The following OXR1 variants were observed in gnomAD, a reference collection of about 807,000 sequenced individuals.
OXR1 encodes oxidation resistance protein 1.
In OXR1, 41 loss-of-function variants were observed where a neutral mutation model predicts 104.6. The observed-to-expected ratio is 0.39, with a 90% CI of 0.31 to 0.51. The LOEUF (loss-of-function observed/expected upper bound fraction) is 0.51. Among genes scored for constraint, OXR1 ranks in the 20% least tolerant of loss-of-function variants. OXR1 has a pLI of 0.77. For synonymous variants in OXR1, 348 were observed against 348.4 expected (o/e 1.00, Z 0.01); for missense variants, 955 against 1,031.9 (o/e 0.93, Z 1.02).
chr8:106,336,441 G>A (rs1481636803), intron 1 of OXR1, among the ~76,000 whole-genome samples: 1 of 152,204 alleles, frequency 6.6e-6, no homozygotes, highest in African/African-American at 2.4e-5. Context: ...TATTGAAGCA[G>A]TAGATCTGAC....
chr8:106,541,131 G>A (rs1233355161), intron 3 of OXR1, among the ~76,000 whole-genome samples: 2 of 152,024 alleles, frequency 1.3e-5, no homozygotes, highest in South Asian at 2.1e-4. Flanking sequence ...TCAGGACAGT[G>A]GACTATGTGC....
intron 2 of OXR1, among the ~76,000 whole-genome samples, chr8:106,428,536 G>C (rs1235663458): frequency 6.6e-6 from 1 of 152,034 alleles, no homozygotes; most frequent in Non-Finnish European, 1.5e-5. Context: ...TTTTACCATA[G>C]CAGACATTTG....
At chr8:106,615,216 G>A (rs1447396807) in intron 3 of OXR1, among the ~76,000 whole-genome samples, 1 of 152,014 alleles carries the variant, frequency 6.6e-6, no homozygotes, top group Non-Finnish European at 1.5e-5. Context: ...GATCACTTGA[G>A]GTCAGGACTT....
intron 1 of OXR1, among the ~76,000 whole-genome samples, chr8:106,316,931 C>T (rs997284511): frequency 3.3e-5 from 5 of 152,110 alleles, no homozygotes; most frequent in South Asian, 2.1e-4. Context: ...AGTGCAGTGA[C>T]GCAATCTCGG....
Position 106,498,880 on chromosome 8 carries a change from T to C in OXR1, c.24-20063T>C, listed in dbSNP as rs1241090706. ...CCTTTTTAGCTAAAGAATTAGGAGA[T>C]GGCCGGGCGCGGTGGCTCACGCCTG... On this transcript the variant is annotated intron_variant, in intron 2 of 16. Transcript: ENST00000517566. Among the ~76,000 whole-genome samples the C allele has an allele frequency of 2.5e-5, 2 of 78,454 alleles. 1 individual carries two copies. The highest frequency in any genetic ancestry group is 4.4e-4 in the East Asian group (2 of 4,522). The allele number at this position is 78,454 out of a possible 152,430, so 51.5% of individuals were successfully genotyped here.
At chr8:106,456,763 A>G (rs529786707) in intron 2 of OXR1, among the ~76,000 whole-genome samples, 7 of 152,304 alleles carry the variant, frequency 4.6e-5, no homozygotes, top group Admixed American at 2.6e-4. Context: ...TGAACTGGTC[A>G]TGAAATGAAA....
chr8:106,672,514 G>T (rs1827134462), intron 3 of OXR1, among the ~76,000 whole-genome samples: 1 of 86,962 alleles, frequency 1.1e-5, no homozygotes, highest in Non-Finnish European at 2.7e-5. Flanking sequence ...GAGAAAGAAA[G>T]AAAGAGAGAG....
At chr8:106,312,146 A>C (rs1308751530) in intron 1 of OXR1, among the ~76,000 whole-genome samples, 1 of 152,182 alleles carries the variant, frequency 6.6e-6, no homozygotes, top group Non-Finnish European at 1.5e-5. Flanking sequence ...AAATAAACTA[A>C]AGCGATTTGA....
chr8:106,686,207 C>T (rs191455091), intron 6 of OXR1, among the ~76,000 whole-genome samples: 1 of 151,326 alleles, frequency 6.6e-6, no homozygotes, highest in African/African-American at 2.4e-5. Flanking sequence ...GCACCAAAAT[C>T]TCAGAAATCA....
At chr8:106,685,417 G>T (rs186186699) in intron 6 of OXR1, among the ~76,000 whole-genome samples, 2 of 152,044 alleles carry the variant, frequency 1.3e-5, no homozygotes, top group Non-Finnish European at 2.9e-5. Flanking sequence ...CCTGTTCCTC[G>T]GCTTTAACCT....
At chr8:106,274,600 A>ACCCCCCCCCCC (rs11322065) in intron 1 of OXR1, among the ~76,000 whole-genome samples, 1 of 108,866 alleles carries the variant, frequency 9.2e-6, no homozygotes, top group African/African-American at 3.5e-5. Context: ...CAGCAACGCC[A>ACCCCCCCCCCC]CCCCCCCCCC....
At chr8:106,440,310 A>G (rs1819732638) in intron 2 of OXR1, among the ~76,000 whole-genome samples, 2 of 152,134 alleles carry the variant, frequency 1.3e-5, no homozygotes, top group South Asian at 2.1e-4. Flanking sequence ...CAGTGCTGCC[A>G]TATGGACGAC....
At chr8:106,702,343 A>G (rs538294928) in intron 7 of OXR1, among the ~76,000 whole-genome samples, 14 of 152,340 alleles carry the variant, frequency 9.2e-5, no homozygotes, top group African/African-American at 3.4e-4. Flanking sequence ...TATACTTTAG[A>G]TGTCATATAA....
chr8:106,283,276 AACC>A (rs921355445), intron 1 of OXR1, among the ~76,000 whole-genome samples: 2 of 152,166 alleles, frequency 1.3e-5, no homozygotes, highest in African/African-American at 2.4e-5. Flanking sequence ...TGCCATGTAC[AACC>A]CATTGTAACC....
chr8:106,610,215 C>A (rs1425186614), intron 3 of OXR1, among the ~76,000 whole-genome samples: 2 of 151,996 alleles, frequency 1.3e-5, no homozygotes, highest in Non-Finnish European at 2.9e-5. Flanking sequence ...CTGCTACAAT[C>A]CAAAAATTCT....
intron 2 of OXR1, among the ~76,000 whole-genome samples, chr8:106,438,116 C>T (rs1340410741): frequency 2.6e-5 from 4 of 152,106 alleles, no homozygotes; most frequent in African/African-American, 7.2e-5. Flanking sequence ...ACTGTTCACA[C>T]GTACATTGTA....
In OXR1 at chr8:106,710,692, A is replaced by G. The variant is rs568604370; in HGVS notation, c.1695A>G (p.Pro565=). 3 of 1,605,388 alleles carry G rather than the reference A, an allele frequency of 1.9e-6. No individual in the cohort carries two copies. Among genetic ancestry groups the G allele is most frequent in the South Asian group, 2.2e-5 (2 of 89,878 alleles). The stretch of plus-strand genomic sequence containing the variant: ...TCTTGTGTCTCAGAGTTGGAAAACC[A>G]ATGAGGAAAACGTTTGTATCTCAAG... ...HKFLCLRVGK[P]MRKTFVSQAS... The change falls in exon 10 of 17, where the codon CCA becomes CCG. Residue 565 remains proline, a synonymous_variant. Coordinates refer to ENST00000517566, the MANE Select transcript of OXR1 (RefSeq NM_001198533.2).
At chr8:106,281,514 A>G in intron 1 of OXR1, among the ~76,000 whole-genome samples, 1 of 152,204 alleles carries the variant, frequency 6.6e-6, no homozygotes, top group East Asian at 1.9e-4. Context: ...AGATTAAGAC[A>G]GTTATATGCC....
At chr8:106,339,516 AAAAATATATATATATATATATAT>A (rs1432926478) in intron 1 of OXR1, among the ~76,000 whole-genome samples, 12 of 33,782 alleles carry the variant, frequency 3.6e-4, no homozygotes, top group African/African-American at 1.7e-3. Flanking sequence ...AAAAAAAAAA[AAAAATATATATATATATATATAT>A]ATATATATAT....
Sources: allele counts gnomAD v4.1 joint callset (sites outside exome capture counted in the v4.1 genomes callset), GRCh38; gene constraint gnomAD v4.1.1; transcripts MANE v1.5; gene names NCBI Gene and HGNC (gene_info 2026-07-23, HGNC 2026-07-21).